DLEU7: variants seen among roughly 807,000 people sequenced by gnomAD.
DLEU7 encodes leukemia-associated protein 7.
Under a neutral mutation model 16.0 loss-of-function variants are expected in DLEU7, and 17 were observed. That is an observed-to-expected ratio of 1.06 (90% CI 0.73 to 1.59). The LOEUF is 1.59. DLEU7 is among the 40% of genes most tolerant of loss of function. DLEU7 has a pLI of 0.00. For missense variants in DLEU7, 308 were observed against 314.9 expected, an observed-to-expected ratio of 0.98 and a Z score of 0.17; for synonymous variants, 113 against 139.8, an observed-to-expected ratio of 0.81 and a Z score of 1.35.
chr13:50,788,307 TC>T (rs886736466), intron 1 of DLEU7, among the ~76,000 whole-genome samples: 2 of 152,100 alleles, frequency 1.3e-5, no homozygotes, highest in African/African-American at 2.4e-5. Context: ...TTCCTCAGCC[TC>T]CTCTTAGAGA....
intron 1 of DLEU7, among the ~76,000 whole-genome samples, chr13:50,811,484 A>C (rs982487899): frequency 2.0e-5 from 3 of 152,122 alleles, no homozygotes; most frequent in Non-Finnish European, 2.9e-5. Flanking sequence ...CCTGTCCCAG[A>C]AAGGATTGTG....
At chr13:50,802,467 T>C (rs1876278743) in intron 1 of DLEU7, among the ~76,000 whole-genome samples, 1 of 152,180 alleles carries the variant, frequency 6.6e-6, no homozygotes. Context: ...GTTCTTCATA[T>C]TGGTGTCTTC....
chr13:50,789,693 T>C (rs1343752423), intron 1 of DLEU7, among the ~76,000 whole-genome samples: 1 of 152,134 alleles, frequency 6.6e-6, no homozygotes, highest in Admixed American at 6.5e-5. Context: ...ATCATCATTA[T>C]GAAATTATAG....
chr13:50,773,872 C>T (rs1346446714), intron 1 of DLEU7, among the ~76,000 whole-genome samples: 1 of 152,208 alleles, frequency 6.6e-6, no homozygotes, highest in Non-Finnish European at 1.5e-5. Context: ...CTATGCCCTG[C>T]CCCCAGAGAT....
chr13:50,843,707 G>A, upstream of DLEU7: 1 of 1,471,998 alleles, frequency 6.8e-7, no homozygotes, highest in Non-Finnish European at 8.9e-7. The surrounding 1 kb of genome is among the most constrained non-coding windows in gnomAD (Gnocchi z 5.7). Flanking sequence ...AGGGAGGCGG[G>A]GGCGTTGGGG....
intron 1 of DLEU7, among the ~76,000 whole-genome samples, chr13:50,778,798 G>A (rs1354902001): frequency 6.6e-6 from 1 of 152,122 alleles, no homozygotes; most frequent in Non-Finnish European, 1.5e-5. Context: ...AAGCTGATTT[G>A]GCCTATGAGC....
intron 1 of DLEU7, among the ~76,000 whole-genome samples, chr13:50,723,468 A>C (rs1158717439): frequency 6.6e-6 from 1 of 151,986 alleles, no homozygotes; most frequent in East Asian, 1.9e-4. Flanking sequence ...TCAGGCTTCC[A>C]TAACTAAATA....
intron 1 of DLEU7, among the ~76,000 whole-genome samples, chr13:50,829,460 C>T (rs1877193131): frequency 2.0e-5 from 3 of 152,194 alleles, no homozygotes; most frequent in Admixed American, 1.3e-4. Context: ...AGGAATTCAT[C>T]ACCCAAAGAA....
intron 1 of DLEU7, among the ~76,000 whole-genome samples, chr13:50,766,871 G>C (rs536523462): frequency 6.6e-6 from 1 of 151,814 alleles, no homozygotes; most frequent in East Asian, 1.9e-4. Context: ...GGAAATGCTG[G>C]CCAAACACAC....
At chr13:50,765,617 G>A (rs687251) in intron 1 of DLEU7, among the ~76,000 whole-genome samples, 83,117 of 151,808 alleles carry the variant, frequency 0.55, 23,385 homozygotes, top group African/African-American at 0.66. Flanking sequence ...CAGATAGAAA[G>A]GAAGAAGACC....
intron 1 of DLEU7, among the ~76,000 whole-genome samples, chr13:50,787,983 C>T (rs1426791851): frequency 6.6e-6 from 1 of 152,176 alleles, no homozygotes; most frequent in African/African-American, 2.4e-5. Flanking sequence ...CAGTAGCCTA[C>T]ATTTCCCTCC....
At chr13:50,838,271 G>A (rs1008517786) in intron 1 of DLEU7, among the ~76,000 whole-genome samples, 2 of 152,184 alleles carry the variant, frequency 1.3e-5, no homozygotes, top group African/African-American at 4.8e-5. Context: ...ATTGAAACGG[G>A]TGAGCTCACA....
At chr13:50,768,323 A>G (rs1875182300) in intron 1 of DLEU7, among the ~76,000 whole-genome samples, 1 of 151,918 alleles carries the variant, frequency 6.6e-6, no homozygotes, top group Non-Finnish European at 1.5e-5. Context: ...TCTAGGGTAC[A>G]CGTGCACAAT....
At chr13:50,842,837 G>A (rs1877715084) in intron 1 of DLEU7, among the ~76,000 whole-genome samples, 1 of 152,218 alleles carries the variant, frequency 6.6e-6, no homozygotes, top group Non-Finnish European at 1.5e-5. Flanking sequence ...AAGTGGGTGG[G>A]GGGAGCTGTC....
chr13:50,843,805 G>A (rs1161817297), upstream of DLEU7: 4 of 1,021,290 alleles, frequency 3.9e-6, no homozygotes, highest in African/African-American at 1.7e-5. The surrounding 1 kb of genome is among the most constrained non-coding windows in gnomAD (Gnocchi z 5.7). Flanking sequence ...GCTCTGAATC[G>A]GTGACCCGTG....
chr13:50,753,300 T>C lies in DLEU7; in HGVS notation c.460-40060A>G, dbSNP rs540995970. Among the ~76,000 whole-genome samples, 515 of 152,338 alleles carry C rather than the reference T, an allele frequency of 3.4e-3. 6 individuals carry two copies. Among genetic ancestry groups the C allele is most frequent in the African/African-American group, 0.012 (485 of 41,582 alleles). On this transcript the variant is annotated intron_variant, in intron 1 of 1. Coordinates refer to the DLEU7 transcript ENST00000400393. ...GGAGCTGCCTGCCAGTCCCACGCCA[T>C]GCACCTGCACTCCTCAGCCCTTGCG...
At chr13:50,759,014 C>T (rs1874847607) in intron 1 of DLEU7, among the ~76,000 whole-genome samples, 1 of 152,230 alleles carries the variant, frequency 6.6e-6, no homozygotes, top group Admixed American at 6.5e-5. Context: ...TGGAGAATGT[C>T]TTGAACTAGT....
chr13:50,836,320 A>G (rs1877459560), intron 1 of DLEU7, among the ~76,000 whole-genome samples: 1 of 152,192 alleles, frequency 6.6e-6, no homozygotes, highest in East Asian at 1.9e-4. Flanking sequence ...GGGCAGTGAG[A>G]AAGAGAACAG....
chr13:50,821,176 C>T (rs927148973), downstream of DLEU7, among the ~76,000 whole-genome samples: 10 of 151,880 alleles, frequency 6.6e-5, no homozygotes, highest in Admixed American at 2.0e-4. Flanking sequence ...CCTCTACAGA[C>T]GTTGAGTAGG....
Sources: allele counts gnomAD v4.1 joint callset (sites outside exome capture counted in the v4.1 genomes callset), GRCh38; gene constraint gnomAD v4.1.1; non-coding constraint Gnocchi (gnomAD v3.1); transcripts MANE v1.5; gene names NCBI Gene and HGNC (gene_info 2026-07-23, HGNC 2026-07-21).